The following STPG2 variants were observed in gnomAD, a reference collection of about 807,000 sequenced individuals.
STPG2 encodes the protein sperm tail PG-rich repeat containing 2.
In STPG2, 56 loss-of-function variants were observed where a neutral mutation model predicts 54.2. The observed-to-expected ratio is 1.03, with a 90% confidence interval of 0.83 to 1.29. The LOEUF (loss-of-function observed/expected upper bound fraction) is 1.29, where lower values mean the gene tolerates loss of function less well. Among genes scored for constraint, STPG2 ranks in the 50% most tolerant of loss-of-function variants. STPG2 has a pLI of 0.00. For synonymous variants in STPG2, 200 were observed against 181.8 expected (o/e 1.10, Z -0.81); for missense variants, 596 against 544.9 (o/e 1.09, Z -0.93).
chr4:97,816,959 A>G (rs114150821), intron 9 of STPG2, among the ~76,000 whole-genome samples: 6,774 of 147,416 alleles, frequency 0.046, 222 homozygotes, highest in Non-Finnish European at 0.065. Flanking sequence ...TAGAAAATAT[A>G]TATTATATAT....
downstream of STPG2, among the ~76,000 whole-genome samples, chr4:97,556,325 G>A (rs1319088811): frequency 2.0e-5 from 3 of 152,152 alleles, no homozygotes. Context: ...GGAGAGGAAT[G>A]AGCCATCTTC....
intron 8 of STPG2, among the ~76,000 whole-genome samples, chr4:97,880,936 A>G (rs1284640015): frequency 6.6e-6 from 1 of 152,104 alleles, no homozygotes; most frequent in Non-Finnish European, 1.5e-5. Flanking sequence ...TATTGCTGCT[A>G]TTCTCAAACT....
chr4:97,861,448 T>C (rs976947251), intron 8 of STPG2, among the ~76,000 whole-genome samples: 3 of 152,008 alleles, frequency 2.0e-5, no homozygotes, highest in Non-Finnish European at 2.9e-5. Context: ...TCCTAAAAAG[T>C]ACTAAAAATA....
intron 2 of STPG2, among the ~76,000 whole-genome samples, chr4:98,130,921 C>CA (rs34206321): frequency 0.044 from 1,778 of 40,848 alleles, 80 homozygotes; most frequent in African/African-American, 0.11. Context: ...GACTCCGTCT[C>CA]AAAAAAAAAA....
intron 8 of STPG2, among the ~76,000 whole-genome samples, chr4:97,866,354 A>T (rs1016463448): frequency 1.3e-5 from 2 of 152,010 alleles, no homozygotes; most frequent in Non-Finnish European, 2.9e-5. Context: ...AAAGTATCTC[A>T]TATACCCCAT....
At chr4:97,572,940 C>A (rs969233550) in intron 10 of STPG2, among the ~76,000 whole-genome samples, 1 of 151,968 alleles carries the variant, frequency 6.6e-6, no homozygotes, top group Admixed American at 6.6e-5. Context: ...ATTCAATAGG[C>A]GTTTAACTAG....
chr4:97,957,142 A>G (rs1733704816), intron 7 of STPG2, among the ~76,000 whole-genome samples: 1 of 151,426 alleles, frequency 6.6e-6, no homozygotes, highest in South Asian at 2.1e-4. Flanking sequence ...TATATGAAAT[A>G]TACATGTGAA....
At chr4:97,900,312 T>A (rs1466743058) in intron 8 of STPG2, among the ~76,000 whole-genome samples, 3 of 151,812 alleles carry the variant, frequency 2.0e-5, no homozygotes, top group Non-Finnish European at 4.4e-5. Flanking sequence ...AATGCTAATA[T>A]ACTGTCAATG....
intron 4 of STPG2, among the ~76,000 whole-genome samples, chr4:97,469,904 A>C (rs1729880895): frequency 6.6e-6 from 1 of 152,100 alleles, no homozygotes; most frequent in African/African-American, 2.4e-5. Flanking sequence ...GACTGGAGAG[A>C]GTATAAAGGA....
chr4:97,930,244 T>A (rs1228663602), intron 8 of STPG2, among the ~76,000 whole-genome samples: 1 of 152,170 alleles, frequency 6.6e-6, no homozygotes, highest in Admixed American at 6.6e-5. Flanking sequence ...TGTCATGAAA[T>A]CTTTACCTGT....
intron 3 of STPG2, among the ~76,000 whole-genome samples, chr4:98,126,534 C>G (rs1393699762): frequency 2.0e-5 from 3 of 152,192 alleles, no homozygotes; most frequent in African/African-American, 7.2e-5. Flanking sequence ...GGTGGGCCAT[C>G]ATCACCCCAC....
At chr4:97,750,308 A>G (rs562082220) in intron 9 of STPG2, among the ~76,000 whole-genome samples, 1 of 151,954 alleles carries the variant, frequency 6.6e-6, no homozygotes, top group South Asian at 2.1e-4. Flanking sequence ...AGCATTAACA[A>G]CTACTTAGCC....
intron 5 of STPG2, among the ~76,000 whole-genome samples, chr4:98,004,321 C>T (rs922629019): frequency 1.3e-5 from 2 of 152,002 alleles, no homozygotes; most frequent in Non-Finnish European, 2.9e-5. Flanking sequence ...GGATTTCCTT[C>T]TTTTTTAAGT....
chr4:97,863,326 C>T (rs758534386), intron 8 of STPG2, among the ~76,000 whole-genome samples: 1 of 152,148 alleles, frequency 6.6e-6, no homozygotes, highest in Non-Finnish European at 1.5e-5. Context: ...CACCTCTACG[C>T]AAATAAGCTA....
At chr4:97,748,666 A>G (rs79960212) in intron 9 of STPG2, among the ~76,000 whole-genome samples, 1 of 151,730 alleles carries the variant, frequency 6.6e-6, no homozygotes, top group Non-Finnish European at 1.5e-5. Flanking sequence ...TTGTAACACA[A>G]AAGCCACCAT....
chr4:97,988,298 C>G (rs1372751645), intron 5 of STPG2, among the ~76,000 whole-genome samples: 1 of 152,140 alleles, frequency 6.6e-6, no homozygotes, highest in Non-Finnish European at 1.5e-5. Flanking sequence ...ATTACCACCT[C>G]CAAACAATTT....
chr4:97,709,771 G>C (rs1724054735), intron 10 of STPG2, among the ~76,000 whole-genome samples: 2 of 151,672 alleles, frequency 1.3e-5, no homozygotes, highest in Non-Finnish European at 3.0e-5. Context: ...TTTTGGTCAA[G>C]AGACTGATTC....
At chr4:97,937,882 C>A (rs921721685) in intron 8 of STPG2, among the ~76,000 whole-genome samples, 3 of 152,144 alleles carry the variant, frequency 2.0e-5, no homozygotes, top group Non-Finnish European at 4.4e-5. Context: ...GGAACCAAGA[C>A]CCATTTAACG....
rs773785250 is a variant in STPG2 at position 97,876,500 on chromosome 4, T to G, written c.1045-35568A>C. Among the ~76,000 whole-genome samples, 77 of 152,008 alleles carry G rather than the reference T, an allele frequency of 5.1e-4. 1 individual carries two copies. Among genetic ancestry groups the G allele is most frequent in the Admixed American group, 6.6e-4 (10 of 15,248 alleles). ...ATTAATTTTCTAAATATAAATGCCA[T>G]ATTAGAAGGTAATTATAAAGTCCTC... On this transcript the variant is annotated intron_variant, in intron 8 of 10. Transcript: ENST00000295268.
Sources: allele counts gnomAD v4.1 joint callset (sites outside exome capture counted in the v4.1 genomes callset), GRCh38; gene constraint gnomAD v4.1.1; transcripts MANE v1.5; gene names NCBI Gene and HGNC (gene_info 2026-07-23, HGNC 2026-07-21).